Variants in RAB3C observed in about 807,000 individuals in gnomAD.
The protein encoded by RAB3C is ras-related protein Rab-3C.
RAB3C carries 17 observed loss-of-function variants against 26.4 expected under a neutral mutation model. The ratio of observed to expected loss-of-function variants is 0.64; its 90% CI spans 0.44 to 0.97. RAB3C has a LOEUF of 0.97. Among genes scored for constraint, RAB3C ranks in the 50% least tolerant of loss-of-function variants. The probability of loss-of-function intolerance (pLI) is 0.00; values close to 1 mark genes in which losing one functional copy is unlikely to be tolerated. For missense variants in RAB3C, 242 were observed against 281.9 expected (o/e 0.86, Z 1.01); for synonymous variants, 91 against 95.9 (o/e 0.95, Z 0.30).
chr5:58,677,963 TAGC>T (rs1165905135), intron 2 of RAB3C, among the ~76,000 whole-genome samples: 1 of 145,866 alleles, frequency 6.9e-6, no homozygotes, highest in Non-Finnish European at 1.5e-5. Flanking sequence ...TGGCAGGTAG[TAGC>T]TAGATTATTT....
chr5:58,824,753 G>A (rs893814740), intron 3 of RAB3C, among the ~76,000 whole-genome samples: 1 of 152,040 alleles, frequency 6.6e-6, no homozygotes, highest in Non-Finnish European at 1.5e-5. Flanking sequence ...ACATAAGGTG[G>A]GGTAAAAGAG....
chr5:58,760,452 A>C (rs1421451505), intron 3 of RAB3C, among the ~76,000 whole-genome samples: 1 of 152,186 alleles, frequency 6.6e-6, no homozygotes, highest in East Asian at 1.9e-4. Context: ...TGTGAGAATT[A>C]AGCAAGCCCA....
chr5:58,797,396 T>TATATATATATATAC (rs1561133620), intron 3 of RAB3C, among the ~76,000 whole-genome samples: 11 of 116,800 alleles, frequency 9.4e-5, no homozygotes, highest in African/African-American at 3.6e-4. Context: ...TATATATATA[T>TATATATATATATAC]ACACAGAGAG....
chr5:58,802,954 T>C (rs1306526760), intron 3 of RAB3C, among the ~76,000 whole-genome samples: 2 of 152,190 alleles, frequency 1.3e-5, no homozygotes, highest in Non-Finnish European at 2.9e-5. Flanking sequence ...AGCTGGCTTG[T>C]AGCCTTAGCT....
At chr5:58,732,098 TG>T (rs1327427202) in intron 3 of RAB3C, among the ~76,000 whole-genome samples, 21 of 127,036 alleles carry the variant, frequency 1.7e-4, no homozygotes, top group Non-Finnish European at 2.5e-4. Context: ...TTTTCTGTTT[TG>T]TTTTTTTTTT....
At chr5:58,795,291 G>A (rs756756732) in intron 3 of RAB3C, among the ~76,000 whole-genome samples, 14 of 152,220 alleles carry the variant, frequency 9.2e-5, no homozygotes, top group Non-Finnish European at 2.1e-4. Context: ...CCAGTTTCGG[G>A]TATGTCTTTA....
chr5:58,601,493 A>T (rs1466341962), intron 1 of RAB3C, among the ~76,000 whole-genome samples: 1 of 151,954 alleles, frequency 6.6e-6, no homozygotes. Context: ...TTATGTTGGT[A>T]ATTTTTTAAT....
rs1747601079 is a variant in RAB3C, at chr5:58,649,618, AC to A, written c.252+31751del. 2.0e-5 allele frequency among the ~76,000 whole-genome samples: 3 copies of A among 152,074 alleles called. No homozygotes were observed. The South Asian group carries it at 6.2e-4, about 32-fold the overall frequency. ...ACCACCCCAGAGGAGGCTCCAAGGC[AC>A]CCAGAATCTTCATAATTTCCCTTTC... On this transcript the variant is annotated intron_variant, in intron 2 of 4. Coordinates refer to ENST00000282878, the MANE Select transcript of RAB3C (RefSeq NM_138453.4).
At chr5:58,752,253 C>T (rs1295857964) in intron 3 of RAB3C, among the ~76,000 whole-genome samples, 2 of 152,094 alleles carry the variant, frequency 1.3e-5, no homozygotes, top group African/African-American at 2.4e-5. Context: ...TCACAAAATA[C>T]TACTTCTATA....
At chr5:58,643,555 A>G (rs1458354999) in intron 2 of RAB3C, among the ~76,000 whole-genome samples, 2 of 152,124 alleles carry the variant, frequency 1.3e-5, no homozygotes, top group African/African-American at 4.8e-5. Context: ...GGACACCTGT[A>G]ATCCCAGCTG....
chr5:58,721,712 T>C (rs1740770521), intron 2 of RAB3C, among the ~76,000 whole-genome samples: 2 of 151,842 alleles, frequency 1.3e-5, no homozygotes, highest in Non-Finnish European at 2.9e-5. Context: ...CAAAGTCAGC[T>C]TGGTGTCTGT....
At chr5:58,715,628 A>T (rs1749154909) in intron 2 of RAB3C, among the ~76,000 whole-genome samples, 1 of 152,158 alleles carries the variant, frequency 6.6e-6, no homozygotes, top group African/African-American at 2.4e-5. Flanking sequence ...GTGTCCCATG[A>T]TGAAAATATG....
chr5:58,694,396 A>G (rs1460816259), intron 2 of RAB3C, among the ~76,000 whole-genome samples: 1 of 152,142 alleles, frequency 6.6e-6, no homozygotes, highest in Non-Finnish European at 1.5e-5. Flanking sequence ...ATAAACATAC[A>G]TGTGCATGTG....
intron 4 of RAB3C, among the ~76,000 whole-genome samples, chr5:58,829,326 T>C (rs1182578956): frequency 6.6e-6 from 1 of 152,166 alleles, no homozygotes; most frequent in Non-Finnish European, 1.5e-5. Context: ...TAATTTAAGT[T>C]TTAAATGTAC....
chr5:58,816,426 G>T (rs556113467), intron 3 of RAB3C, among the ~76,000 whole-genome samples: 1 of 152,256 alleles, frequency 6.6e-6, no homozygotes, highest in East Asian at 1.9e-4. Flanking sequence ...GCTCAGGTCT[G>T]CTCCTGAGTG....
At chr5:58,709,766 G>C (rs952780712) in intron 2 of RAB3C, among the ~76,000 whole-genome samples, 1 of 152,108 alleles carries the variant, frequency 6.6e-6, no homozygotes, top group African/African-American at 2.4e-5. Context: ...AGTCTCATTG[G>C]TGTCTGATCA....
intron 1 of RAB3C, among the ~76,000 whole-genome samples, chr5:58,592,302 A>C (rs1253459710): frequency 6.6e-6 from 1 of 152,118 alleles, no homozygotes; most frequent in Non-Finnish European, 1.5e-5. Flanking sequence ...CTTAGAGTTA[A>C]TATTATATTA....
At chr5:58,627,970 A>T (rs1050795975) in intron 2 of RAB3C, among the ~76,000 whole-genome samples, 8 of 152,098 alleles carry the variant, frequency 5.3e-5, no homozygotes, top group Admixed American at 2.6e-4. Context: ...ATCCTGGCTA[A>T]CACGGTGAAA....
At position 58,851,865 on chromosome 5, in the gene RAB3C, C is replaced by G. The variant is rs146117244; in HGVS notation, c.*514C>G. On this transcript the variant is annotated 3_prime_UTR_variant, in exon 5 of 5. Transcript: ENST00000282878. ...TGGAAGTTTTTCTCATGATTAGGGACGCTGTCACGAGTCTGGTCAGTTTAC... is the reference window on the plus strand; with the variant it reads ...TGGAAGTTTTTCTCATGATTAGGGAGGCTGTCACGAGTCTGGTCAGTTTAC... 1 of 152,098 alleles carries G rather than the reference C, an allele frequency of 6.6e-6. No individual in the cohort carries two copies. The highest frequency in any genetic ancestry group is 1.9e-4 in the East Asian group (1 of 5,164). 9.4% of individuals were successfully genotyped at this position (152,098 alleles called of 1,614,324 possible).
Sources: gnomAD v4.1 joint callset for allele counts (sites outside exome capture counted in the v4.1 genomes callset) on GRCh38, gnomAD v4.1.1 for gene constraint, MANE v1.5 for transcripts, NCBI Gene and HGNC (gene_info 2026-07-23, HGNC 2026-07-21) for gene names.